Variants in OPCML observed in about 807,000 individuals in gnomAD.
OPCML encodes the protein opioid binding protein/cell adhesion molecule like, also known as opioid-binding protein/cell adhesion molecule.
Under a neutral mutation model 37.8 loss-of-function variants are expected in OPCML, and 13 were observed. The ratio of observed to expected loss-of-function variants is 0.34; its 90% CI spans 0.22 to 0.55. OPCML has a LOEUF of 0.55. Among genes scored for constraint, OPCML ranks in the 20% least tolerant of loss-of-function variants. OPCML has a pLI of 0.91. For synonymous variants in OPCML, 176 were observed against 168.8 expected (o/e 1.04, Z -0.33); for missense variants, 341 against 435.6 (o/e 0.78, Z 1.93).
chr11:133,027,614 GTGTT>G (rs892828174), intron 1 of OPCML, among the ~76,000 whole-genome samples: 2 of 149,612 alleles, frequency 1.3e-5, no homozygotes, highest in African/African-American at 2.5e-5. Context: ...CATGGTGTGT[GTGTT>G]TGGTATGTGT....
intron 1 of OPCML, among the ~76,000 whole-genome samples, chr11:133,511,839 G>A (rs971759846): frequency 1.3e-5 from 2 of 152,096 alleles, no homozygotes; most frequent in Non-Finnish European, 1.5e-5. Flanking sequence ...CTCTTAGTCT[G>A]TTTTATTTGC....
intron 1 of OPCML, among the ~76,000 whole-genome samples, chr11:133,015,431 T>TGAAG (rs768763860): frequency 2.6e-4 from 12 of 46,146 alleles, no homozygotes; most frequent in Middle Eastern, 9.4e-3. Flanking sequence ...AAGGAAGGAA[T>TGAAG]GAAGGAAGGA....
At chr11:133,318,533 T>C (rs567446388) in intron 1 of OPCML, among the ~76,000 whole-genome samples, 1 of 152,170 alleles carries the variant, frequency 6.6e-6, no homozygotes, top group East Asian at 1.9e-4. Context: ...GGCTATAAAT[T>C]CCCATTTGCC....
intron 3 of OPCML, 30 bp from the exon 4 acceptor site, chr11:132,529,216 T>C (rs2137292651): frequency 3.8e-6 from 6 of 1,581,244 alleles, no homozygotes; most frequent in Non-Finnish European, 5.2e-6. Flanking sequence ...AAGAAATACC[T>C]GAGAATAATT....
At chr11:132,433,322 C>T (rs2096003446) in intron 7 of OPCML, among the ~76,000 whole-genome samples, 1 of 152,122 alleles carries the variant, frequency 6.6e-6, no homozygotes, top group African/African-American at 2.4e-5. Context: ...ACTCTCATGT[C>T]CACAGGTCAG....
intron 1 of OPCML, among the ~76,000 whole-genome samples, chr11:133,387,503 C>T (rs1945080390): frequency 6.6e-6 from 1 of 152,206 alleles, no homozygotes; most frequent in South Asian, 2.1e-4. Context: ...AAGCTGCATC[C>T]CTTGCTACCA....
At chr11:132,625,761 G>A (rs1939704260) in intron 3 of OPCML, among the ~76,000 whole-genome samples, 1 of 152,098 alleles carries the variant, frequency 6.6e-6, no homozygotes, top group South Asian at 2.1e-4. Flanking sequence ...CATGGTGTCT[G>A]GCATCAGTGA....
intron 2 of OPCML, among the ~76,000 whole-genome samples, chr11:132,712,501 G>A (rs1195955765): frequency 1.3e-5 from 2 of 152,178 alleles, no homozygotes. Context: ...TTTCTTTTTA[G>A]CCGTACAGTC....
intron 1 of OPCML, among the ~76,000 whole-genome samples, chr11:132,993,423 T>A (rs1334422284): frequency 1.3e-5 from 2 of 152,248 alleles, no homozygotes; most frequent in Non-Finnish European, 1.5e-5. Context: ...CATTGTCTGT[T>A]TCTAATGAAG....
chr11:133,144,049 C>A (rs1320910135), intron 1 of OPCML, among the ~76,000 whole-genome samples: 3 of 152,168 alleles, frequency 2.0e-5, no homozygotes, highest in Non-Finnish European at 4.4e-5. Context: ...GGTCTGCCTG[C>A]CTCCTTGTGT....
chr11:132,656,174 A>G (rs1941697558), intron 3 of OPCML, among the ~76,000 whole-genome samples: 1 of 152,160 alleles, frequency 6.6e-6, no homozygotes, highest in Admixed American at 6.5e-5. Flanking sequence ...CCGTGAGCCA[A>G]CACCTGACAG....
intron 1 of OPCML, among the ~76,000 whole-genome samples, chr11:133,518,360 G>A (rs1948328610): frequency 6.6e-6 from 1 of 150,632 alleles, no homozygotes; most frequent in Non-Finnish European, 1.5e-5. Flanking sequence ...CATATGGGTG[G>A]GTGGTGTGCA....
At chr11:132,802,388 A>T (rs1053571698) in intron 2 of OPCML, among the ~76,000 whole-genome samples, 1 of 152,138 alleles carries the variant, frequency 6.6e-6, no homozygotes, top group African/African-American at 2.4e-5. Flanking sequence ...TTGCTTGCCT[A>T]TCCAGCTGCA....
intron 1 of OPCML, among the ~76,000 whole-genome samples, chr11:132,981,556 A>G (rs972103116): frequency 6.6e-6 from 1 of 152,224 alleles, no homozygotes; most frequent in Non-Finnish European, 1.5e-5. Context: ...GCACGTTTAT[A>G]AACATTAGCA....
chr11:133,025,364 T>TTGCC, intron 1 of OPCML: 2 of 985,440 alleles, frequency 2.0e-6, no homozygotes, highest in Non-Finnish European at 2.4e-6. Flanking sequence ...ATATAACTTG[T>TTGCC]TGCCTAATGG....
At chr11:133,139,684 A>G (rs1949739689) in intron 1 of OPCML, among the ~76,000 whole-genome samples, 1 of 152,182 alleles carries the variant, frequency 6.6e-6, no homozygotes, top group South Asian at 2.1e-4. Context: ...GGAACAGGGA[A>G]TATCACCTTT....
intron 2 of OPCML, among the ~76,000 whole-genome samples, chr11:132,851,447 G>A (rs1565910189): frequency 1.3e-5 from 2 of 152,178 alleles, no homozygotes; most frequent in South Asian, 2.1e-4. Context: ...GCTGGGTGGT[G>A]CAGTGTGGAC....
rs1950339454 is a variant in OPCML, at chr11:133,174,590, T to C, written c.62-231580A>G. On this transcript the variant is annotated intron_variant, in intron 1 of 7. Coordinates refer to ENST00000524381, the MANE Select transcript of OPCML (RefSeq NM_001012393.5). The surrounding 1 kb of genome is among the most constrained non-coding windows in gnomAD (Gnocchi z 4.6). ...AGTTGTACTCTATCTATACAGTAAG[T>C]ATATGCATTTATTTGTGTTGAAAAA... 6.7e-6 allele frequency among the ~76,000 whole-genome samples: 1 copy of C among 148,664 alleles called. No individual in the cohort carries two copies. Among genetic ancestry groups the C allele is most frequent in the Non-Finnish European group, 1.5e-5 (1 of 67,772 alleles).
intron 2 of OPCML, chr11:132,772,415 T>G (rs980858176): frequency 6.6e-6 from 1 of 152,258 alleles, no homozygotes; most frequent in African/African-American, 2.4e-5. Context: ...TGTAGGACCC[T>G]ATTTGAGAAC....
Sources: gnomAD v4.1 joint callset for allele counts (sites outside exome capture counted in the v4.1 genomes callset) on GRCh38, gnomAD v4.1.1 for gene constraint, Gnocchi (gnomAD v3.1) non-coding constraint, MANE v1.5 for transcripts, NCBI Gene and HGNC (gene_info 2026-07-23, HGNC 2026-07-21) for gene names.